CFAP299: variants seen among roughly 807,000 people sequenced by gnomAD.
CFAP299 encodes cilia- and flagella-associated protein 299.
CFAP299 carries 21 observed loss-of-function variants against 27.0 expected under a neutral mutation model. The ratio of observed to expected loss-of-function variants is 0.78; its 90% CI spans 0.55 to 1.12. The LOEUF is 1.12. Among genes scored for constraint, CFAP299 ranks in the 50% most tolerant of loss-of-function variants. The pLI is 0.00. For synonymous variants in CFAP299, 104 were observed against 98.1 expected, an observed-to-expected ratio of 1.06 and a Z score of -0.36; for missense variants, 310 against 276.6, an observed-to-expected ratio of 1.12 and a Z score of -0.86.
At chr4:80,750,752 CTACTT>C (rs1443077562) in intron 3 of CFAP299, among the ~76,000 whole-genome samples, 2 of 152,134 alleles carry the variant, frequency 1.3e-5, no homozygotes, top group Non-Finnish European at 2.9e-5. Context: ...TTGTGAGACT[CTACTT>C]AAATTATTCT....
chr4:80,786,709 T>C (rs1727265892), intron 3 of CFAP299, among the ~76,000 whole-genome samples: 2 of 152,192 alleles, frequency 1.3e-5, no homozygotes, highest in Non-Finnish European at 2.9e-5. Flanking sequence ...ACTAAATATT[T>C]TGGGATTCTT....
chr4:80,409,466 G>A (rs1200102849), intron 2 of CFAP299, among the ~76,000 whole-genome samples: 2 of 152,008 alleles, frequency 1.3e-5, no homozygotes, highest in Non-Finnish European at 2.9e-5. Flanking sequence ...TTGTTTTGTT[G>A]TTGCTATTGT....
intron 3 of CFAP299, among the ~76,000 whole-genome samples, chr4:80,862,325 G>C (rs2131473): frequency 6.6e-6 from 1 of 151,846 alleles, no homozygotes; most frequent in Admixed American, 6.6e-5. Flanking sequence ...AGCCAAAATC[G>C]TGCCACTGCA....
chr4:80,726,529 A>C (rs372914708), intron 3 of CFAP299, among the ~76,000 whole-genome samples: 8 of 152,162 alleles, frequency 5.3e-5, no homozygotes, highest in African/African-American at 1.9e-4. Flanking sequence ...ATAACTATCA[A>C]ATAATGGTTA....
At chr4:80,390,713 A>C (rs1213035645) in intron 2 of CFAP299, among the ~76,000 whole-genome samples, 1 of 145,766 alleles carries the variant, frequency 6.9e-6, no homozygotes, top group Non-Finnish European at 1.5e-5. Context: ...GTATATATGT[A>C]TACACACATA....
intron 2 of CFAP299, among the ~76,000 whole-genome samples, chr4:80,540,075 G>A (rs530053500): frequency 1.3e-5 from 2 of 152,190 alleles, no homozygotes; most frequent in Non-Finnish European, 2.9e-5. Flanking sequence ...TTTTGCCAAA[G>A]GAATTAATTC....
chr4:80,719,255 A>G (rs1722679946), intron 3 of CFAP299, among the ~76,000 whole-genome samples: 1 of 152,182 alleles, frequency 6.6e-6, no homozygotes, highest in South Asian at 2.1e-4. Context: ...GTTAACCTAT[A>G]TAACAAACTT....
At chr4:80,796,072 G>A (rs1395614732) in intron 3 of CFAP299, among the ~76,000 whole-genome samples, 1 of 152,152 alleles carries the variant, frequency 6.6e-6, no homozygotes, top group African/African-American at 2.4e-5. Context: ...ACTCAAAACT[G>A]GCAGCCTTTC....
chr4:80,935,107 T>C (rs1736822834), intron 4 of CFAP299, among the ~76,000 whole-genome samples: 2 of 152,084 alleles, frequency 1.3e-5, no homozygotes, highest in Non-Finnish European at 2.9e-5. Flanking sequence ...TTTATTTAGC[T>C]TTTGGTTTCT....
Position 80,799,339 on chromosome 4 carries a change from A to C in CFAP299, c.334-70654A>C, listed in dbSNP as rs1207897852. 3.1e-3 allele frequency among the ~76,000 whole-genome samples: 305 copies of C among 97,070 alleles called. 10 individuals are homozygous for C. The highest frequency in any genetic ancestry group is 0.013 in the African/African-American group (293 of 22,610). 63.7% of individuals were successfully genotyped at this position (97,070 alleles called of 152,430 possible). A position where few individuals can be genotyped will look rare whatever the true frequency, so the allele number is the denominator to read the frequency against. ...ATATAAATATATTTATATAATATTTATATATATAAATGTATTTATATAATA... is the reference window on the plus strand; with the variant it reads ...ATATAAATATATTTATATAATATTTCTATATATAAATGTATTTATATAATA... On this transcript the variant is annotated intron_variant, in intron 3 of 5. Transcript: ENST00000358105.
At chr4:80,719,847 G>A (rs1722714925) in intron 3 of CFAP299, among the ~76,000 whole-genome samples, 1 of 152,120 alleles carries the variant, frequency 6.6e-6, no homozygotes, top group Non-Finnish European at 1.5e-5. Flanking sequence ...CACAGCCACT[G>A]GACTGTCTCC....
intron 3 of CFAP299, among the ~76,000 whole-genome samples, chr4:80,703,029 T>A (rs1381156625): frequency 6.6e-6 from 1 of 151,848 alleles, no homozygotes; most frequent in Non-Finnish European, 1.5e-5. Flanking sequence ...TCCATGACCC[T>A]GTCTTGACTT....
intron 1 of CFAP299, among the ~76,000 whole-genome samples, chr4:80,342,915 T>G (rs1345147925): frequency 6.6e-6 from 1 of 152,210 alleles, no homozygotes; most frequent in Non-Finnish European, 1.5e-5. Flanking sequence ...ATTGCTATGC[T>G]GTATTCAAGA....
At chr4:80,937,308 C>CT (rs1736948672) in intron 4 of CFAP299, among the ~76,000 whole-genome samples, 7 of 90,806 alleles carry the variant, frequency 7.7e-5, no homozygotes, top group Admixed American at 2.2e-4. Flanking sequence ...CTTTTTTTTT[C>CT]TTTCTTTTTT....
At chr4:80,347,784 T>A (rs1416769273) in intron 1 of CFAP299, among the ~76,000 whole-genome samples, 3 of 152,112 alleles carry the variant, frequency 2.0e-5, no homozygotes, top group Admixed American at 1.3e-4. Flanking sequence ...GAAACTATTT[T>A]AAAAAACATA....
chr4:80,772,717 C>T (rs1047723533), intron 3 of CFAP299, among the ~76,000 whole-genome samples: 1 of 152,000 alleles, frequency 6.6e-6, no homozygotes, highest in Non-Finnish European at 1.5e-5. Flanking sequence ...TCCTCTTGCC[C>T]TCCGCCTCCC....
intron 3 of CFAP299, among the ~76,000 whole-genome samples, chr4:80,754,529 A>T (rs1289711347): frequency 6.7e-6 from 1 of 148,500 alleles, no homozygotes; most frequent in East Asian, 2.0e-4. Flanking sequence ...TAGGTTTTCA[A>T]GGGGAAAGTG....
intron 2 of CFAP299, among the ~76,000 whole-genome samples, chr4:80,468,377 C>T (rs1251764583): frequency 6.6e-6 from 1 of 151,962 alleles, no homozygotes; most frequent in African/African-American, 2.4e-5. Flanking sequence ...GTGCCCACCA[C>T]CACACATGGC....
At chr4:80,680,138 C>T (rs985870855) in intron 3 of CFAP299, among the ~76,000 whole-genome samples, 1 of 151,956 alleles carries the variant, frequency 6.6e-6, no homozygotes, top group Admixed American at 6.6e-5. Context: ...CAGAAGTCAA[C>T]TCTCATTTAA....
Sources: allele counts gnomAD v4.1 joint callset (sites outside exome capture counted in the v4.1 genomes callset), GRCh38; gene constraint gnomAD v4.1.1; transcripts MANE v1.5; gene names NCBI Gene and HGNC (gene_info 2026-07-23, HGNC 2026-07-21).